The following KANK4 variants were observed in gnomAD, a reference collection of about 807,000 sequenced individuals.
KANK4 encodes KN motif and ankyrin repeat domain-containing protein 4.
Under a neutral mutation model 80.8 loss-of-function variants are expected in KANK4, and 50 were observed. The ratio of observed to expected loss-of-function variants is 0.62; its 90% CI spans 0.49 to 0.78. The LOEUF (loss-of-function observed/expected upper bound fraction) is 0.78, where lower values mean the gene tolerates loss of function less well. Ranked by LOEUF, KANK4 falls within the 30% of genes least tolerant of loss-of-function variation. The pLI is 0.00. For missense variants in KANK4, 1,196 were observed against 1,240.1 expected (o/e 0.96, Z 0.53); for synonymous variants, 465 against 506.9 (o/e 0.92, Z 1.11).
At chr1:62,312,574 C>A (rs1374644723) in intron 1 of KANK4, among the ~76,000 whole-genome samples, 1 of 152,202 alleles carries the variant, frequency 6.6e-6, no homozygotes, top group Non-Finnish European at 1.5e-5. Flanking sequence ...CCACCCACAC[C>A]CTTTCTGCCT....
chr1:62,295,455 G>A (rs1410849612), intron 1 of KANK4, among the ~76,000 whole-genome samples: 1 of 152,172 alleles, frequency 6.6e-6, no homozygotes, highest in Non-Finnish European at 1.5e-5. Flanking sequence ...ACTGCACCTG[G>A]CCTTGCTCAC....
In KANK4 at chr1:62,273,891, C is replaced by T. The variant is rs1224402173; in HGVS notation, c.1213G>A (p.Asp405Asn). The T allele has an allele frequency of 5.6e-6, 9 of 1,614,120 alleles. No individual in the cohort carries two copies. Among genetic ancestry groups the T allele is most frequent in the African/African-American group, 1.3e-5 (1 of 74,938 alleles). The stretch of plus-strand genomic sequence containing the variant: ...ATCACGTCCGTCTGGCCCTGAGTGT[C>T]TTTGGCGTTCTCTTGGTGAAACTGT... ...EGQFHQENAK[D>N]TQGQTDVMVN... Residue 405 changes from aspartate (D) to asparagine (N), a missense_variant, in exon 3 of 10, where the codon GAC (aspartate) becomes AAC (asparagine). Physicochemically the swap from Asp to Asn is conservative, Grantham distance 23 (BLOSUM62 1). Coordinates refer to ENST00000371153, the MANE Select transcript of KANK4 (RefSeq NM_181712.5).
intron 9 of KANK4, among the ~76,000 whole-genome samples, chr1:62,240,845 A>G (rs1201041452): frequency 6.6e-6 from 1 of 152,056 alleles, no homozygotes; most frequent in African/African-American, 2.4e-5. Flanking sequence ...GGCTCTCATC[A>G]GGCACCACCG....
At chr1:62,262,978 G>T in intron 7 of KANK4, 114 bp downstream of exon 7, 1 of 766,892 alleles carries the variant, frequency 1.3e-6, no homozygotes, top group Non-Finnish European at 2.2e-6. Context: ...ATTCATCCAT[G>T]TAACCAAAAA....
intron 7 of KANK4, among the ~76,000 whole-genome samples, chr1:62,253,556 TG>T (rs1423991808): frequency 4.8e-5 from 7 of 145,004 alleles, no homozygotes; most frequent in African/African-American, 1.8e-4. Flanking sequence ...ATTACAGGCG[TG>T]CGCCACCACA....
At chr1:62,297,709 T>C (rs1644378439) in intron 1 of KANK4, among the ~76,000 whole-genome samples, 1 of 152,192 alleles carries the variant, frequency 6.6e-6, no homozygotes, top group Non-Finnish European at 1.5e-5. Flanking sequence ...CCAATTTACT[T>C]GTGAAGGAAT....
chr1:62,259,830 G>A (rs1041471141), intron 7 of KANK4, among the ~76,000 whole-genome samples: 4 of 151,204 alleles, frequency 2.6e-5, no homozygotes, highest in Admixed American at 2.6e-4. Context: ...TTTAGCAGGT[G>A]CTAAATACTT....
chr1:62,262,184 C>T lies in KANK4; in HGVS notation c.2539+908G>A, dbSNP rs114436179. On this transcript the variant is annotated intron_variant, in intron 7 of 9. Transcript: ENST00000371153. ...AATGCCATTTTCCCTAGAGGCAGTACGGTATATAGCTCTGGAGGTGGACAG... is the reference window on the plus strand; with the variant it reads ...AATGCCATTTTCCCTAGAGGCAGTATGGTATATAGCTCTGGAGGTGGACAG... Among the ~76,000 whole-genome samples the T allele has an allele frequency of 1.5e-3, 224 of 152,340 alleles. 2 individuals are homozygous for T. Among genetic ancestry groups the T allele is most frequent in the African/African-American group, 5.0e-3 (206 of 41,582 alleles).
intron 1 of KANK4, among the ~76,000 whole-genome samples, chr1:62,281,952 G>T (rs1158022206): frequency 3.3e-5 from 5 of 152,126 alleles, no homozygotes; most frequent in Non-Finnish European, 1.5e-5. Context: ...ATTCGTGAAG[G>T]TGCTAGTATC....
At chr1:62,243,358 A>G (rs1055445539) in intron 9 of KANK4, among the ~76,000 whole-genome samples, 1 of 140,424 alleles carries the variant, frequency 7.1e-6, no homozygotes, top group Non-Finnish European at 1.6e-5. Flanking sequence ...TTTTTTTTTG[A>G]GACAGAGTTT....
intron 7 of KANK4, among the ~76,000 whole-genome samples, chr1:62,253,555 G>A (rs908032663): frequency 2.5e-4 from 36 of 145,922 alleles, no homozygotes; most frequent in African/African-American, 8.3e-4. Context: ...GATTACAGGC[G>A]TGCGCCACCA....
chr1:62,291,979 A>G (rs927861923), intron 1 of KANK4, among the ~76,000 whole-genome samples: 13 of 152,176 alleles, frequency 8.5e-5, no homozygotes, highest in African/African-American at 3.1e-4. Context: ...CTCTATTTCC[A>G]GAACATTTCA....
chr1:62,273,150 C>G, intron 3 of KANK4, 54 bp downstream of exon 3: 3 of 1,249,024 alleles, frequency 2.4e-6, no homozygotes, highest in Non-Finnish European at 3.3e-6. Flanking sequence ...TCTGCCTTAT[C>G]ATGTGAAGGA....
chr1:62,246,578 A>G (rs1363822089), intron 9 of KANK4, among the ~76,000 whole-genome samples: 1 of 152,006 alleles, frequency 6.6e-6, no homozygotes, highest in Non-Finnish European at 1.5e-5. Flanking sequence ...AACATTTACC[A>G]TGAATCATCT....
chr1:62,287,784 A>G (rs1431719130), intron 1 of KANK4, among the ~76,000 whole-genome samples: 1 of 152,148 alleles, frequency 6.6e-6, no homozygotes, highest in African/African-American at 2.4e-5. Context: ...GACTTTGCAA[A>G]GTACACAGGA....
chr1:62,246,989 G>A (rs1421304431), intron 9 of KANK4, among the ~76,000 whole-genome samples: 1 of 151,956 alleles, frequency 6.6e-6, no homozygotes, highest in East Asian at 1.9e-4. Flanking sequence ...TCAAACTCCT[G>A]ACCTCAGGTG....
chr1:62,245,944 A>C (rs190573739), intron 9 of KANK4, among the ~76,000 whole-genome samples: 146 of 152,314 alleles, frequency 9.6e-4, no homozygotes, highest in African/African-American at 3.4e-3. Context: ...ATGTGACAAC[A>C]GTGATGATGA....
intron 2 of KANK4, among the ~76,000 whole-genome samples, chr1:62,279,227 CACACACACACACACAG>C (rs1672397431): frequency 4.6e-5 from 7 of 151,908 alleles, no homozygotes; most frequent in African/African-American, 1.7e-4. Context: ...CACACACACA[CACACACACACACACAG>C]AGTGATCCAT....
At chr1:62,297,741 TC>T (rs1172258398) in intron 1 of KANK4, among the ~76,000 whole-genome samples, 13 of 152,252 alleles carry the variant, frequency 8.5e-5, no homozygotes, top group Non-Finnish European at 1.8e-4. Context: ...TCAGTGACTT[TC>T]TAATCCACTG....
Sources: allele counts gnomAD v4.1 joint callset (sites outside exome capture counted in the v4.1 genomes callset), GRCh38; gene constraint gnomAD v4.1.1; transcripts MANE v1.5; gene names NCBI Gene and HGNC (gene_info 2026-07-23, HGNC 2026-07-21).